INPP5A: variants seen among roughly 807,000 people sequenced by gnomAD.
INPP5A encodes 43 kDa inositol polyphosphate 5-phophatase.
A neutral mutation model predicts 65.2 loss-of-function variants in INPP5A; 14 were observed. The ratio of observed to expected loss-of-function variants is 0.21; its 90% CI spans 0.14 to 0.34. The LOEUF (loss-of-function observed/expected upper bound fraction) is 0.34, where lower values mean the gene tolerates loss of function less well. Ranked by LOEUF, INPP5A falls within the 10% of genes least tolerant of loss-of-function variation. INPP5A has a pLI of 1.00. For missense variants in INPP5A, 431 were observed against 545.6 expected (o/e 0.79, Z 2.09); for synonymous variants, 207 against 208.3 (o/e 0.99, Z 0.05).
intron 12 of INPP5A, among the ~76,000 whole-genome samples, chr10:132,777,441 G>C (rs569291971): frequency 6.6e-6 from 1 of 152,382 alleles, no homozygotes; most frequent in South Asian, 2.1e-4. Context: ...AAGGACTGAT[G>C]TGAAGATACT....
intron 11 of INPP5A, among the ~76,000 whole-genome samples, chr10:132,765,522 A>C (rs12769959): frequency 0.21 from 32,304 of 152,148 alleles, 3,580 homozygotes; most frequent in Non-Finnish European, 0.26. Context: ...CTCTGGCGTC[A>C]CCAACAGAGA....
chr10:132,670,567 G>T (rs966852674), intron 4 of INPP5A, among the ~76,000 whole-genome samples: 1 of 150,636 alleles, frequency 6.6e-6, no homozygotes, highest in Non-Finnish European at 1.5e-5. Context: ...CCTCCTTGCT[G>T]GGGGGAGAGT....
At chr10:132,734,558 C>CCA in intron 9 of INPP5A, among the ~76,000 whole-genome samples, 1 of 152,216 alleles carries the variant, frequency 6.6e-6, no homozygotes, top group African/African-American at 2.4e-5. Context: ...GGGTGAGTGT[C>CCA]CCACTGTTGG....
At chr10:132,761,606 C>T (rs979363051) in intron 11 of INPP5A, among the ~76,000 whole-genome samples, 4 of 151,986 alleles carry the variant, frequency 2.6e-5, no homozygotes, top group South Asian at 2.1e-4. Flanking sequence ...GGGTGCCATG[C>T]GGAGGCTTGC....
At chr10:132,542,919 C>T (rs2070924791) in intron 1 of INPP5A, among the ~76,000 whole-genome samples, 1 of 152,302 alleles carries the variant, frequency 6.6e-6, no homozygotes, top group Middle Eastern at 3.4e-3. Context: ...CCTCCTGCCT[C>T]AGCCTTCTAA....
Position 132,587,828 on chromosome 10 carries a change from T to G in INPP5A, c.76-20087T>G, listed in dbSNP as rs996668106. ...GAATTCGTGACTAGCCTGACCAACA[T>G]GGTGAAATCCCGTCTCTACTAAAAA... On this transcript the variant is annotated intron_variant, in intron 1 of 15. Transcript: ENST00000368594. The surrounding 1 kb of genome is among the most constrained non-coding windows in gnomAD (Gnocchi z 4.3). 3.3e-5 allele frequency among the ~76,000 whole-genome samples: 5 copies of G among 151,528 alleles called. No individual in the cohort carries two copies. Among genetic ancestry groups the G allele is most frequent in the African/African-American group, 1.2e-4 (5 of 41,194 alleles).
chr10:132,663,211 T>C lies in INPP5A; in HGVS notation c.306+12706T>C, dbSNP rs1006398212. Among the ~76,000 whole-genome samples, 2 of 152,306 alleles carry C rather than the reference T, an allele frequency of 1.3e-5. No homozygotes were observed. The highest frequency in any genetic ancestry group is 4.8e-5 in the African/African-American group (2 of 41,566). On this transcript the variant is annotated intron_variant, in intron 4 of 15. Transcript: ENST00000368594. This position sits in a 1 kb window ranked among gnomAD's most constrained non-coding sequence, Gnocchi z 4.5. ...GTATGTTATATAAAATTGAAAAGAC[T>C]TTCTTCTCGTTAAATCTTATTTTAT...
At chr10:132,605,491 G>A (rs1232808900) in intron 1 of INPP5A, among the ~76,000 whole-genome samples, 14 of 149,992 alleles carry the variant, frequency 9.3e-5, no homozygotes, top group Non-Finnish European at 1.9e-4. Flanking sequence ...GGAAGGGGCT[G>A]GGGATGGGGA....
At position 132,782,228 on chromosome 10, in the gene INPP5A, G is replaced by T; in HGVS notation, c.*199G>T. The T allele has an allele frequency of 5.2e-6, 3 of 580,280 alleles. No homozygotes were observed. Among genetic ancestry groups the T allele is most frequent in the Non-Finnish European group, 8.8e-6 (3 of 341,066 alleles). The allele number at this position is 580,280 out of a possible 1,614,324, so 35.9% of individuals were successfully genotyped here. ...ATACCTCACTGTCTCGTCTGTCTAT[G>T]TGACATTAAGTAGAAATATTGGTTT... On this transcript the variant is annotated 3_prime_UTR_variant, in exon 16 of 16. Transcript: ENST00000368594. The surrounding 1 kb of genome is among the most constrained non-coding windows in gnomAD (Gnocchi z 4.4).
At chr10:132,724,193 T>C (rs563525813) in intron 8 of INPP5A, among the ~76,000 whole-genome samples, 1 of 152,278 alleles carries the variant, frequency 6.6e-6, no homozygotes, top group East Asian at 1.9e-4. Context: ...CAGAAAAGAA[T>C]AGATTGTCTC....
chr10:132,638,489 C>T (rs1460970656), intron 2 of INPP5A, among the ~76,000 whole-genome samples: 4 of 152,186 alleles, frequency 2.6e-5, no homozygotes, highest in South Asian at 2.1e-4. Flanking sequence ...TCCCGGAGCC[C>T]GAGAGATCAC....
In INPP5A at chr10:132,726,717, G is replaced by T. The variant is rs1040989319; in HGVS notation, c.648-104G>T. The T allele has an allele frequency of 8.7e-6, 7 of 805,074 alleles. No individual in the cohort carries two copies. In the African/African-American group the frequency reaches 1.0e-4, roughly 12 times the overall value. 49.9% of individuals were successfully genotyped at this position (805,074 alleles called of 1,614,324 possible). On this transcript the variant is annotated intron_variant, in intron 8 of 15. Coordinates refer to ENST00000368594, the MANE Select transcript of INPP5A (RefSeq NM_005539.5). Reference sequence around the variant, plus strand: ...TGAGGTTCCCCTGCAGCAGGTGACAGAACAGAGAGTGTGCGGATGGGGAGC... The same window carrying T: ...TGAGGTTCCCCTGCAGCAGGTGACATAACAGAGAGTGTGCGGATGGGGAGC...
intron 14 of INPP5A, among the ~76,000 whole-genome samples, chr10:132,781,301 G>A (rs1041083975): frequency 6.6e-6 from 1 of 152,196 alleles, no homozygotes; most frequent in Non-Finnish European, 1.5e-5. Flanking sequence ...ACTGTCAGCC[G>A]AGGAGCCGGG....
chr10:132,583,065 G>T (rs1195251006), intron 1 of INPP5A, among the ~76,000 whole-genome samples: 1 of 152,188 alleles, frequency 6.6e-6, no homozygotes, highest in Non-Finnish European at 1.5e-5. Context: ...TTATGAAGAT[G>T]GTTGTCACCT....
chr10:132,635,492 T>C (rs2072335582), intron 2 of INPP5A, among the ~76,000 whole-genome samples: 2 of 133,914 alleles, frequency 1.5e-5, no homozygotes, highest in South Asian at 5.2e-4. Flanking sequence ...GCCTCCCGGG[T>C]TCATGCCATT....
intron 12 of INPP5A, among the ~76,000 whole-genome samples, chr10:132,770,271 C>T (rs544937932): frequency 2.0e-5 from 3 of 152,354 alleles, no homozygotes; most frequent in East Asian, 1.9e-4. Flanking sequence ...GCCAGAGAGC[C>T]GAACGCTCCC....
chr10:132,553,615 T>C (rs1334884577), intron 1 of INPP5A, among the ~76,000 whole-genome samples: 35 of 105,066 alleles, frequency 3.3e-4, no homozygotes, highest in Non-Finnish European at 3.6e-4. Flanking sequence ...GATTGGTGAA[T>C]GCCTTCTCAG....
rs2072466083 is a variant in INPP5A, at chr10:132,644,390, C to A, written c.118-1478C>A. On this transcript the variant is annotated intron_variant, in intron 2 of 15. Coordinates refer to ENST00000368594, the MANE Select transcript of INPP5A (RefSeq NM_005539.5). This position sits in a 1 kb window ranked among gnomAD's most constrained non-coding sequence, Gnocchi z 6.5. ...TCTGTCTCCCCAGCCTGAGCCCCGT[C>A]TTCACCTGCAGCACAGACAGGGCCT... is the stretch of plus-strand genomic sequence containing the variant. Among the ~76,000 whole-genome samples the A allele has an allele frequency of 6.6e-6, 1 of 152,000 alleles. No homozygotes were observed. The highest frequency in any genetic ancestry group is 2.1e-4 in the South Asian group (1 of 4,806).
At chr10:132,542,818 T>G (rs2070923495) in intron 1 of INPP5A, among the ~76,000 whole-genome samples, 1 of 152,174 alleles carries the variant, frequency 6.6e-6, no homozygotes, top group African/African-American at 2.4e-5. Context: ...TTCTTTTTTG[T>G]TTTCACACAG....
Sources: gnomAD v4.1 joint callset for allele counts (sites outside exome capture counted in the v4.1 genomes callset) on GRCh38, gnomAD v4.1.1 for gene constraint, Gnocchi (gnomAD v3.1) non-coding constraint, MANE v1.5 for transcripts, NCBI Gene and HGNC (gene_info 2026-07-23, HGNC 2026-07-21) for gene names.